Variants in ELP4 observed in about 807,000 individuals in gnomAD.
ELP4 encodes the protein elongator complex protein 4.
A neutral mutation model predicts 48.9 loss-of-function variants in ELP4; 51 were observed. The observed-to-expected ratio is 1.04, with a 90% CI of 0.83 to 1.32. The LOEUF is 1.32. ELP4 is among the 40% of genes most tolerant of loss of function. The pLI, the probability that ELP4 is intolerant of heterozygous loss-of-function variation, is 0.00. For missense variants in ELP4, 519 were observed against 514.6 expected (o/e 1.01, Z -0.08); for synonymous variants, 210 against 189.2 (o/e 1.11, Z -0.90).
intron 9 of ELP4, among the ~76,000 whole-genome samples, chr11:31,669,108 A>AT (rs11405678): frequency 0.64 from 95,447 of 149,182 alleles, 32,758 homozygotes; most frequent in Non-Finnish European, 0.76. Flanking sequence ...TTTTATTTTT[A>AT]TTTTATTTTG....
intron 9 of ELP4, chr11:31,780,588 A>G (rs1948349213): frequency 6.6e-6 from 1 of 152,226 alleles, no homozygotes; most frequent in Non-Finnish European, 1.5e-5. Context: ...GAAGTCTCAC[A>G]CGAATGATAT....
intron 3 of ELP4, chr11:31,573,519 G>A (rs1350700779): frequency 6.6e-6 from 1 of 152,118 alleles, no homozygotes; most frequent in East Asian, 1.9e-4. Flanking sequence ...TCCTGGTGAG[G>A]GCTCTCTTCC....
chr11:31,659,880 T>C lies in ELP4; in HGVS notation c.1143+9659T>C, dbSNP rs905429964. On this transcript the variant is annotated intron_variant, in intron 9 of 9. Transcript: ENST00000640961. The stretch of plus-strand genomic sequence containing the variant: ...GGTGGCAGGCACCTGTAATCCAAGC[T>C]ACTTGGGAGGCTGAGACAGGAGAAT... Among the ~76,000 whole-genome samples the C allele has an allele frequency of 2.6e-5, 4 of 152,010 alleles. 1 individual carries two copies.
intron 5 of ELP4, among the ~76,000 whole-genome samples, chr11:31,613,878 T>G (rs1261681931): frequency 6.6e-6 from 1 of 151,658 alleles, no homozygotes; most frequent in Non-Finnish European, 1.5e-5. Context: ...CTGGCTAATT[T>G]TTTTGTATTT....
At chr11:31,603,705 G>A in intron 4 of ELP4, 63 bp from the exon 5 acceptor site, 2 of 1,549,710 alleles carry the variant, frequency 1.3e-6, no homozygotes, top group South Asian at 1.2e-5. Context: ...GCTGGATGTA[G>A]GACAAATAAA....
At chr11:31,727,312 A>G (rs546207906) in intron 9 of ELP4, among the ~76,000 whole-genome samples, 1 of 152,260 alleles carries the variant, frequency 6.6e-6, no homozygotes, top group Middle Eastern at 3.4e-3. Context: ...ATTATTTTTT[A>G]TACATAAAAG....
intron 8 of ELP4, chr11:31,648,377 G>A (rs549210226): frequency 6.0e-5 from 9 of 150,238 alleles, no homozygotes; most frequent in African/African-American, 2.2e-4. Flanking sequence ...TTGCCACCTT[G>A]ATATAAACAC....
intron 9 of ELP4, among the ~76,000 whole-genome samples, chr11:31,772,906 A>G (rs1948177336): frequency 6.6e-6 from 1 of 152,248 alleles, no homozygotes; most frequent in Non-Finnish European, 1.5e-5. Context: ...CTGCCTTGGC[A>G]ATCAAAGACT....
intron 9 of ELP4, among the ~76,000 whole-genome samples, chr11:31,704,692 GAA>G (rs1946593962): frequency 6.6e-6 from 1 of 151,864 alleles, no homozygotes. Flanking sequence ...TTAGATCATA[GAA>G]AACACTACTC....
At chr11:31,588,564 C>T (rs182408791) in intron 3 of ELP4, among the ~76,000 whole-genome samples, 49 of 152,114 alleles carry the variant, frequency 3.2e-4, no homozygotes, top group African/African-American at 1.0e-3. Context: ...TGTACTTCTC[C>T]GCGTTGTTTG....
At chr11:31,735,450 A>T (rs1296291626) in intron 9 of ELP4, among the ~76,000 whole-genome samples, 1 of 152,194 alleles carries the variant, frequency 6.6e-6, no homozygotes, top group Non-Finnish European at 1.5e-5. Context: ...CTCCTATTCA[A>T]CATAATGTTG....
chr11:31,695,344 T>C (rs1946376403), intron 9 of ELP4, among the ~76,000 whole-genome samples: 1 of 152,314 alleles, frequency 6.6e-6, no homozygotes, highest in Admixed American at 6.5e-5. Context: ...AATACCTAAT[T>C]TATCAAAGAG....
chr11:31,671,768 G>A (rs920020308), intron 9 of ELP4, among the ~76,000 whole-genome samples: 1 of 152,140 alleles, frequency 6.6e-6, no homozygotes, highest in Non-Finnish European at 1.5e-5. Context: ...AGTAAAGACT[G>A]CAGCATCTCA....
At chr11:31,737,899 AAT>A (rs1947354978) in intron 9 of ELP4, among the ~76,000 whole-genome samples, 1 of 152,182 alleles carries the variant, frequency 6.6e-6, no homozygotes, top group African/African-American at 2.4e-5. Context: ...CAAAAAATTA[AAT>A]AGAATTTACA....
At chr11:31,659,643 G>T (rs191677628) in intron 9 of ELP4, among the ~76,000 whole-genome samples, 59 of 152,122 alleles carry the variant, frequency 3.9e-4, no homozygotes, top group African/African-American at 1.4e-3. Flanking sequence ...AAACTTGAAC[G>T]TATATAGTCA....
intron 9 of ELP4, among the ~76,000 whole-genome samples, chr11:31,776,152 CAAAAAAAAAA>C (rs371572032): frequency 1.2e-4 from 6 of 51,718 alleles, no homozygotes; most frequent in African/African-American, 2.4e-4. Flanking sequence ...CCCTATCTCA[CAAAAAAAAAA>C]AAAAAAAAAA....
At chr11:31,624,678 C>T (rs1475067261) in intron 5 of ELP4, among the ~76,000 whole-genome samples, 5 of 151,792 alleles carry the variant, frequency 3.3e-5, no homozygotes, top group Non-Finnish European at 7.4e-5. Context: ...AATTTATAAA[C>T]TTCTACATTT....
At chr11:31,566,769 G>A (rs181891735) in intron 3 of ELP4, among the ~76,000 whole-genome samples, 67 of 152,114 alleles carry the variant, frequency 4.4e-4, no homozygotes, top group Admixed American at 1.0e-3. Context: ...AACTAAGAAC[G>A]TTTCTATTCA....
At chr11:31,511,904 G>C (rs545044741) in intron 1 of ELP4, 2 of 152,120 alleles carry the variant, frequency 1.3e-5, no homozygotes, top group Admixed American at 6.5e-5. Flanking sequence ...AAAAATTACT[G>C]TTCATTAAGA....
Sources: gnomAD v4.1 joint callset for allele counts (sites outside exome capture counted in the v4.1 genomes callset) on GRCh38, gnomAD v4.1.1 for gene constraint, MANE v1.5 for transcripts, NCBI Gene and HGNC (gene_info 2026-07-23, HGNC 2026-07-21) for gene names.